The following SPTLC3 variants were observed in gnomAD, a reference collection of about 807,000 sequenced individuals.
SPTLC3 encodes serine palmitoyltransferase 3.
In SPTLC3, 36 loss-of-function variants were observed where a neutral mutation model predicts 59.3. The observed-to-expected ratio is 0.61, with a 90% CI of 0.47 to 0.80. The LOEUF is 0.80. Ranked by LOEUF, SPTLC3 falls within the 30% of genes least tolerant of loss-of-function variation. The pLI, the probability that SPTLC3 is intolerant of heterozygous loss-of-function variation, is 0.00. For missense variants in SPTLC3, 625 were observed against 685.1 expected (o/e 0.91, Z 0.98); for synonymous variants, 257 against 240.8 (o/e 1.07, Z -0.62).
chr20:13,141,319 T>G (rs1043472446), intron 9 of SPTLC3, among the ~76,000 whole-genome samples: 4 of 152,162 alleles, frequency 2.6e-5, no homozygotes, highest in Admixed American at 6.5e-5. Flanking sequence ...TCACTCAAAT[T>G]CTGTCTCTTC....
At chr20:13,054,860 AT>A (rs1987652474) in intron 2 of SPTLC3, among the ~76,000 whole-genome samples, 1 of 152,200 alleles carries the variant, frequency 6.6e-6, no homozygotes, top group Non-Finnish European at 1.5e-5. Context: ...GGGTAAGTTC[AT>A]GGAGAAAAAA....
intron 2 of SPTLC3, among the ~76,000 whole-genome samples, chr20:13,051,173 CAACT>C (rs1345723583): frequency 2.0e-5 from 3 of 152,156 alleles, no homozygotes; most frequent in Non-Finnish European, 4.4e-5. Context: ...ACTCACCAAC[CAACT>C]ATCTGCTGCC....
chr20:13,139,955 T>C (rs1388863544), intron 9 of SPTLC3, among the ~76,000 whole-genome samples: 3 of 152,186 alleles, frequency 2.0e-5, no homozygotes, highest in Non-Finnish European at 4.4e-5. Flanking sequence ...TCTAGTTTCT[T>C]TTTCACAGAA....
At chr20:13,082,911 T>G (rs775308518) in intron 4 of SPTLC3, among the ~76,000 whole-genome samples, 2 of 152,210 alleles carry the variant, frequency 1.3e-5, no homozygotes, top group East Asian at 3.8e-4. Flanking sequence ...AAGGACATCA[T>G]CAATGTCTGC....
rs1245847579 is a variant in SPTLC3, at chr20:13,166,610, T to C, written c.*1743T>C. The C allele has an allele frequency of 6.6e-6, 1 of 152,216 alleles. No individual in the cohort carries two copies. Among genetic ancestry groups the C allele is most frequent in the African/African-American group, 2.4e-5 (1 of 41,464 alleles). 9.4% of individuals were successfully genotyped at this position (152,216 alleles called of 1,614,324 possible). ...ATAAATATGCAAAGAAAGGGAGACATACTGTTCTTATCTTGAATATGTGCA... is the reference window on the plus strand; with the variant it reads ...ATAAATATGCAAAGAAAGGGAGACACACTGTTCTTATCTTGAATATGTGCA... On this transcript the variant is annotated 3_prime_UTR_variant, in exon 12 of 12. Transcript: ENST00000399002.
chr20:13,164,929 A>G lies in SPTLC3; in HGVS notation c.*62A>G. 7.2e-7 allele frequency: 1 copy of G among 1,379,882 alleles called. No homozygotes were observed. The allele number at this position is 1,379,882 out of a possible 1,614,324, so 85.5% of individuals were successfully genotyped here. On this transcript the variant is annotated 3_prime_UTR_variant, in exon 12 of 12. Coordinates refer to ENST00000399002, the MANE Select transcript of SPTLC3 (RefSeq NM_018327.4). ...AGAAAGACCTCCCTCCTTGCCTCAC[A>G]AGGAATATAAATGGATTTCTCCCCC...
At chr20:13,152,263 A>G (rs1407176882) in intron 9 of SPTLC3, among the ~76,000 whole-genome samples, 1 of 152,204 alleles carries the variant, frequency 6.6e-6, no homozygotes, top group African/African-American at 2.4e-5. Flanking sequence ...AAATCAATAA[A>G]TGTCAAGAGC....
At chr20:13,032,925 A>G (rs1986563449) in intron 1 of SPTLC3, among the ~76,000 whole-genome samples, 1 of 152,188 alleles carries the variant, frequency 6.6e-6, no homozygotes, top group African/African-American at 2.4e-5. Flanking sequence ...AGTAGCTAAT[A>G]TAGGAAAACT....
In SPTLC3 at chr20:13,009,397, C is replaced by T; in HGVS notation, c.117+13C>T. On this transcript the variant is annotated intron_variant, in intron 1 of 11. Transcript: ENST00000399002. ...GAAGGAAGCCCAGGTAAGAGGCACT[C>T]TCCCCTACTCTTCTCTGAATTACCT... is the stretch of plus-strand genomic sequence containing the variant. The T allele has an allele frequency of 6.3e-7, 1 of 1,590,588 alleles. No individual in the cohort carries two copies. The highest frequency in any genetic ancestry group is 8.6e-7 in the Non-Finnish European group (1 of 1,158,980).
At chr20:13,107,741 T>C (rs1322803722) in intron 6 of SPTLC3, among the ~76,000 whole-genome samples, 1 of 151,712 alleles carries the variant, frequency 6.6e-6, no homozygotes, top group Non-Finnish European at 1.5e-5. Flanking sequence ...AGTTAGTTTC[T>C]GGCTAGTGAT....
chr20:13,021,837 T>G (rs529451701), intron 1 of SPTLC3, among the ~76,000 whole-genome samples: 74 of 152,290 alleles, frequency 4.9e-4, no homozygotes, highest in African/African-American at 1.6e-3. Flanking sequence ...GTCATTTCCT[T>G]TGCGACTTCA....
At position 13,168,841 on chromosome 20, in the gene SPTLC3, C is replaced by G. The variant is rs961634836; in HGVS notation, c.*3974C>G. On this transcript the variant is annotated 3_prime_UTR_variant, in exon 12 of 12. Transcript: ENST00000399002. ...ATTTGAAGTCTGTTCTTTAGAATGC[C>G]CTACTCAGCTGCATAATGTTTAGAA... The G allele has an allele frequency of 1.3e-5, 2 of 151,922 alleles. No individual in the cohort carries two copies. The highest frequency in any genetic ancestry group is 2.9e-5 in the Non-Finnish European group (2 of 68,004). 9.4% of individuals were successfully genotyped at this position (151,922 alleles called of 1,614,324 possible). A position where few individuals can be genotyped will look rare whatever the true frequency, so the allele number is the denominator to read the frequency against.
intron 9 of SPTLC3, among the ~76,000 whole-genome samples, chr20:13,137,039 G>A (rs922533171): frequency 6.6e-6 from 1 of 152,102 alleles, no homozygotes; most frequent in African/African-American, 2.4e-5. Context: ...AATAAGAGAA[G>A]GATGGGGAAA....
At chr20:13,079,281 G>A (rs1860135679) in intron 4 of SPTLC3, among the ~76,000 whole-genome samples, 1 of 152,148 alleles carries the variant, frequency 6.6e-6, no homozygotes, top group South Asian at 2.1e-4. Context: ...GAAACAGATA[G>A]CAACATTGCA....
At chr20:13,082,884 T>C (rs984541864) in intron 4 of SPTLC3, among the ~76,000 whole-genome samples, 1 of 152,116 alleles carries the variant, frequency 6.6e-6, no homozygotes, top group African/African-American at 2.4e-5. Flanking sequence ...GCCAGTGATA[T>C]CAACTTGAAG....
intron 2 of SPTLC3, among the ~76,000 whole-genome samples, chr20:13,072,044 T>C (rs1454024488): frequency 1.3e-5 from 2 of 152,230 alleles, no homozygotes; most frequent in African/African-American, 2.4e-5. Context: ...ACATCTTTGT[T>C]ACCCCTGTTC....
chr20:13,124,653 C>A (rs1410020016), intron 8 of SPTLC3, among the ~76,000 whole-genome samples: 1 of 152,102 alleles, frequency 6.6e-6, no homozygotes, highest in African/African-American at 2.4e-5. Context: ...CCTCATGGAC[C>A]AGGCAGAGTC....
At chr20:13,116,162 C>G (rs1020300717) in intron 7 of SPTLC3, among the ~76,000 whole-genome samples, 1 of 151,800 alleles carries the variant, frequency 6.6e-6, no homozygotes, top group Non-Finnish European at 1.5e-5. Flanking sequence ...GTCTGGGTGA[C>G]TGTGCACACA....
At chr20:13,032,302 A>G (rs80015593) in intron 1 of SPTLC3, among the ~76,000 whole-genome samples, 8,392 of 152,274 alleles carry the variant, frequency 0.055, 272 homozygotes, top group South Asian at 0.083. Context: ...TTGACTTAGA[A>G]CCTTCACCCT....
Sources: allele counts gnomAD v4.1 joint callset (sites outside exome capture counted in the v4.1 genomes callset), GRCh38; gene constraint gnomAD v4.1.1; transcripts MANE v1.5; gene names NCBI Gene and HGNC (gene_info 2026-07-23, HGNC 2026-07-21).